SSBP3: variants seen among roughly 807,000 people sequenced by gnomAD.
SSBP3 encodes the protein single-stranded DNA-binding protein 3.
In SSBP3, 5 loss-of-function variants were observed where a neutral mutation model predicts 69.6. The observed-to-expected ratio is 0.07, with a 90% CI of 0.04 to 0.15. The LOEUF (loss-of-function observed/expected upper bound fraction) is 0.15, where lower values mean the gene tolerates loss of function less well. SSBP3 is among the 10% of genes least tolerant of loss of function. The pLI is 1.00. For synonymous variants in SSBP3, 196 were observed against 193.4 expected, an observed-to-expected ratio of 1.01 and a Z score of -0.11; for missense variants, 312 against 534.0, an observed-to-expected ratio of 0.58 and a Z score of 4.10.
intron 4 of SSBP3, among the ~76,000 whole-genome samples, chr1:54,314,541 A>G (rs1418695548): frequency 6.6e-6 from 1 of 152,178 alleles, no homozygotes; most frequent in African/African-American, 2.4e-5. Flanking sequence ...AAGCCTCAAC[A>G]TTTTCTTTAA....
intron 4 of SSBP3, among the ~76,000 whole-genome samples, chr1:54,333,542 G>A (rs897798405): frequency 6.6e-6 from 1 of 152,138 alleles, no homozygotes; most frequent in Non-Finnish European, 1.5e-5. Context: ...GGGAGGCTGA[G>A]GGAACATAGT....
chr1:54,301,723 A>T (rs971569432), intron 4 of SSBP3, among the ~76,000 whole-genome samples: 21 of 152,196 alleles, frequency 1.4e-4, no homozygotes, highest in African/African-American at 5.1e-4. Flanking sequence ...GGCTGAGCAG[A>T]TGGGAAGCCA....
chr1:54,323,196 CT>C (rs1557530938), intron 4 of SSBP3, among the ~76,000 whole-genome samples: 1 of 152,192 alleles, frequency 6.6e-6, no homozygotes, highest in Non-Finnish European at 1.5e-5. Flanking sequence ...CATTTGACTA[CT>C]CTTCAGTGGG....
rs371158422 is a variant in SSBP3 at position 54,383,191 on chromosome 1, C to G, written c.276+18670G>C. Among the ~76,000 whole-genome samples the G allele has an allele frequency of 2.0e-4, 31 of 151,508 alleles. 1 individual carries two copies. The Middle Eastern group carries it at 0.017, about 85-fold the overall frequency. ...GAGTTTGAGACCGGCCTGGGCAACACAGTAAAACCCCATCTCTATTAGAAT... is the reference window on the plus strand; with the variant it reads ...GAGTTTGAGACCGGCCTGGGCAACAGAGTAAAACCCCATCTCTATTAGAAT... On this transcript the variant is annotated intron_variant, in intron 4 of 17. Transcript: ENST00000610401.
At chr1:54,261,289 T>C (rs544115557) in intron 5 of SSBP3, among the ~76,000 whole-genome samples, 28 of 152,348 alleles carry the variant, frequency 1.8e-4, no homozygotes, top group African/African-American at 5.5e-4. Flanking sequence ...TGTGTTTTAT[T>C]AGGCCACAAA....
At chr1:54,274,985 G>A (rs1385573350) in intron 5 of SSBP3, among the ~76,000 whole-genome samples, 1 of 152,014 alleles carries the variant, frequency 6.6e-6, no homozygotes, top group African/African-American at 2.4e-5. Flanking sequence ...TCACCCCCTC[G>A]GAGAGGCTTC....
intron 4 of SSBP3, among the ~76,000 whole-genome samples, chr1:54,370,864 G>C (rs555524707): frequency 6.6e-6 from 1 of 152,122 alleles, no homozygotes; most frequent in East Asian, 1.9e-4. Context: ...CTCAATTTTA[G>C]ACTTGGGAAC....
chr1:54,338,871 C>T (rs1291855471), intron 4 of SSBP3, among the ~76,000 whole-genome samples: 1 of 152,222 alleles, frequency 6.6e-6, no homozygotes, highest in Non-Finnish European at 1.5e-5. Context: ...CTAAATTATA[C>T]TTTAATTACC....
intron 13 of SSBP3, among the ~76,000 whole-genome samples, chr1:54,240,083 TGTGTGC>T (rs1434242649): frequency 0.022 from 1,543 of 71,216 alleles, 11 homozygotes; most frequent in East Asian, 0.062. Flanking sequence ...TGTGTGTGTG[TGTGTGC>T]GCGCGCGCGC....
At chr1:54,233,255 G>A (rs548639286) in intron 14 of SSBP3, among the ~76,000 whole-genome samples, 13 of 149,900 alleles carry the variant, frequency 8.7e-5, no homozygotes, top group East Asian at 2.0e-4. Context: ...TGTGAGGAGC[G>A]CCTCTGCCCG....
intron 5 of SSBP3, among the ~76,000 whole-genome samples, chr1:54,272,761 G>A (rs534420560): frequency 3.3e-5 from 5 of 152,186 alleles, no homozygotes; most frequent in Non-Finnish European, 7.3e-5. Context: ...CTAAGAAAAC[G>A]CAAAGTAAAA....
intron 13 of SSBP3, among the ~76,000 whole-genome samples, chr1:54,240,112 G>A (rs1231015820): frequency 5.9e-3 from 93 of 15,820 alleles, no homozygotes; most frequent in African/African-American, 0.025. Context: ...GTGCGTGCGC[G>A]CGCGCGCGCA....
chr1:54,336,395 C>G (rs1646508126), intron 4 of SSBP3, among the ~76,000 whole-genome samples: 1 of 152,140 alleles, frequency 6.6e-6, no homozygotes, highest in Non-Finnish European at 1.5e-5. Flanking sequence ...TTCTCCTTCC[C>G]TCACAACACT....
intron 4 of SSBP3, among the ~76,000 whole-genome samples, chr1:54,309,281 G>C (rs1645956544): frequency 6.6e-6 from 1 of 152,190 alleles, no homozygotes; most frequent in East Asian, 1.9e-4. Context: ...TTCAAACTGA[G>C]CCACCCCCAA....
chr1:54,228,423 G>A (rs749996699), intron 16 of SSBP3, 26 bp downstream of exon 16: 15 of 1,614,186 alleles, frequency 9.3e-6, no homozygotes, highest in South Asian at 6.6e-5. Context: ...ATGGGGCGCC[G>A]CCAGGGAGAC....
At chr1:54,317,779 T>C (rs1373054998) in intron 4 of SSBP3, among the ~76,000 whole-genome samples, 3 of 152,156 alleles carry the variant, frequency 2.0e-5, no homozygotes, top group Non-Finnish European at 4.4e-5. Flanking sequence ...GTTTTTGTTT[T>C]TTTAAGATGA....
At chr1:54,285,803 T>C (rs1196107818) in intron 4 of SSBP3, among the ~76,000 whole-genome samples, 2 of 152,126 alleles carry the variant, frequency 1.3e-5, no homozygotes, top group East Asian at 3.8e-4. Flanking sequence ...CTGCAGTGGG[T>C]GCATGGGCTA....
upstream of SSBP3, among the ~76,000 whole-genome samples, chr1:54,411,410 G>A (rs1221348383): frequency 2.6e-5 from 4 of 151,836 alleles, no homozygotes; most frequent in Admixed American, 6.6e-5. Flanking sequence ...CCCAGGAGGC[G>A]GGGGTTGCAG....
intron 4 of SSBP3, among the ~76,000 whole-genome samples, chr1:54,304,229 C>T (rs1025391481): frequency 2.6e-5 from 4 of 152,156 alleles, no homozygotes; most frequent in Non-Finnish European, 5.9e-5. Context: ...CAGCCTTCGA[C>T]CTAGAGTCTT....
Sources: gnomAD v4.1 joint callset for allele counts (sites outside exome capture counted in the v4.1 genomes callset) on GRCh38, gnomAD v4.1.1 for gene constraint, MANE v1.5 for transcripts, NCBI Gene and HGNC (gene_info 2026-07-23, HGNC 2026-07-21) for gene names.